The following DCAF8L2 variants were observed in gnomAD, a reference collection of about 807,000 sequenced individuals.
The protein encoded by DCAF8L2 is DDB1 and CUL4 associated factor 8 like 2, also known as DDB1- and CUL4-associated factor 8-like protein 2.
For missense variants in DCAF8L2, 430 were observed against 490.7 expected (o/e 0.88, Z 1.17); for synonymous variants, 200 against 190.9 (o/e 1.05, Z -0.39).
chrX:27,594,377 A>G (rs1371306000), intron 1 of DCAF8L2, among the ~76,000 whole-genome samples: 1 of 111,347 alleles, frequency 9.0e-6, no homozygotes, highest in East Asian at 2.8e-4. Context: ...AAATGGTATC[A>G]GTCATTTTGT....
At chrX:27,497,966 G>A in the DCAF8L2 span, among the ~76,000 whole-genome samples, 1 of 112,094 alleles carries the variant, frequency 8.9e-6, no homozygotes, top group South Asian at 3.7e-4. Context: ...TGTCCTCAAG[G>A]TTCATCCATG....
At chrX:27,659,984 T>C (rs1285836557) in intron 2 of DCAF8L2, among the ~76,000 whole-genome samples, 1 of 111,576 alleles carries the variant, frequency 9.0e-6, no homozygotes, top group African/African-American at 3.3e-5. Context: ...GGAGTTGGCA[T>C]GTTTCCTTAC....
At chrX:27,613,757 T>C (rs1029381747) in intron 1 of DCAF8L2, among the ~76,000 whole-genome samples, 5 of 111,319 alleles carry the variant, frequency 4.5e-5, no homozygotes, top group African/African-American at 1.6e-4. Context: ...ATTACATTTA[T>C]TGATTTGCAT....
rs146945259 is a variant in DCAF8L2 at position 27,698,942 on chromosome X, A to G, written c.-142-17146A>G. ...ATTAAAACCTTTTTCTCAGCACAGT[A>G]TCTATCAAAAGGGTTTTCATTGTCC... On this transcript the variant is annotated intron_variant, in intron 3 of 4. Transcript: ENST00000451261. 1.7e-3 allele frequency among the ~76,000 whole-genome samples: 191 copies of G among 111,904 alleles called. 1 individual carries two copies. Among genetic ancestry groups the G allele is most frequent in the East Asian group, 0.015 (52 of 3,540 alleles).
chrX:27,722,455 C>A (rs1931931151), intron 4 of DCAF8L2, among the ~76,000 whole-genome samples: 1 of 111,403 alleles, frequency 9.0e-6, no homozygotes, highest in Non-Finnish European at 1.9e-5. Context: ...GCAAAACCCT[C>A]TAATGCAAAT....
At chrX:27,588,802 G>A (rs745793024), upstream of DCAF8L2, among the ~76,000 whole-genome samples, 233 of 109,676 alleles carry the variant, frequency 2.1e-3, 1 homozygote, top group Non-Finnish European at 3.2e-3. Context: ...TGGGGAAGAG[G>A]AGTTCATTGA....
At chrX:27,532,409 A>G in the DCAF8L2 span, among the ~76,000 whole-genome samples, 1 of 112,039 alleles carries the variant, frequency 8.9e-6, no homozygotes, top group African/African-American at 3.2e-5. Flanking sequence ...AGCCAAATAA[A>G]TGGTGATAGC....
the DCAF8L2 span, among the ~76,000 whole-genome samples, chrX:27,562,216 A>T: frequency 8.9e-6 from 1 of 112,622 alleles, no homozygotes; most frequent in Admixed American, 9.4e-5. Flanking sequence ...TTTCTCCATA[A>T]GTAACACACA....
the DCAF8L2 span, among the ~76,000 whole-genome samples, chrX:27,580,374 GT>G: frequency 9.0e-6 from 1 of 111,431 alleles, no homozygotes; most frequent in Non-Finnish European, 1.9e-5. Context: ...GGAAGATGAG[GT>G]TTAAACACAG....
At chrX:27,733,278 A>G (rs945382038) in intron 4 of DCAF8L2, among the ~76,000 whole-genome samples, 1 of 111,845 alleles carries the variant, frequency 8.9e-6, no homozygotes, top group Non-Finnish European at 1.9e-5. Flanking sequence ...TTCTGTGGTG[A>G]TTAATGATAT....
intron 1 of DCAF8L2, among the ~76,000 whole-genome samples, chrX:27,627,732 A>C (rs1188246854): frequency 1.8e-5 from 2 of 108,841 alleles, no homozygotes; most frequent in African/African-American, 6.7e-5. Flanking sequence ...TGTCTCTACC[A>C]AAAATACAAA....
chrX:27,488,443 C>A, the DCAF8L2 span, among the ~76,000 whole-genome samples: 1 of 108,633 alleles, frequency 9.2e-6, no homozygotes, highest in Non-Finnish European at 1.9e-5. Context: ...TGTAAATTAC[C>A]GTTGCACTTT....
At chrX:27,487,319 T>C in the DCAF8L2 span, among the ~76,000 whole-genome samples, 1 of 112,184 alleles carries the variant, frequency 8.9e-6, no homozygotes, top group Non-Finnish European at 1.9e-5. Context: ...TCTTGCTCCG[T>C]CACCTAGGCT....
At chrX:27,674,712 A>G (rs1366556700) in intron 2 of DCAF8L2, among the ~76,000 whole-genome samples, 1 of 111,587 alleles carries the variant, frequency 9.0e-6, no homozygotes, top group Non-Finnish European at 1.9e-5. Flanking sequence ...AGGGAGAGAA[A>G]ATGATGCCAC....
chrX:27,526,528 C>CA, the DCAF8L2 span, among the ~76,000 whole-genome samples: 1 of 112,776 alleles, frequency 8.9e-6, no homozygotes, highest in African/African-American at 3.2e-5. Context: ...CTCAACTCGT[C>CA]AAAGTCATTC....
chrX:27,516,930 A>G, the DCAF8L2 span, among the ~76,000 whole-genome samples: 1 of 111,870 alleles, frequency 8.9e-6, no homozygotes, highest in Non-Finnish European at 1.9e-5. Flanking sequence ...AAATCAGTCT[A>G]TAAAAGAACA....
At chrX:27,484,775 T>G in the DCAF8L2 span, among the ~76,000 whole-genome samples, 1 of 111,698 alleles carries the variant, frequency 9.0e-6, no homozygotes, top group Non-Finnish European at 1.9e-5. Flanking sequence ...AATGTTAACC[T>G]GTAGTGAACT....
upstream of DCAF8L2, among the ~76,000 whole-genome samples, chrX:27,587,985 A>AAAAAAAAAAAAATATATAT: frequency 8.9e-5 from 2 of 22,365 alleles, no homozygotes; most frequent in African/African-American, 2.0e-4. Flanking sequence ...TAAAAAAAAA[A>AAAAAAAAAAAAATATATAT]ATATATATAT....
intron 3 of DCAF8L2, among the ~76,000 whole-genome samples, chrX:27,700,066 A>T (rs775276595): frequency 4.5e-5 from 5 of 110,542 alleles, no homozygotes; most frequent in Non-Finnish European, 7.6e-5. Flanking sequence ...GGGCCAAAAT[A>T]TTACCTATAT....
Sources: allele counts gnomAD v4.1 joint callset (sites outside exome capture counted in the v4.1 genomes callset), GRCh38; gene constraint gnomAD v4.1.1; transcripts MANE v1.5; gene names NCBI Gene and HGNC (gene_info 2026-07-23, HGNC 2026-07-21).